Variants in SLC4A10 observed in about 807,000 individuals in gnomAD.
The protein encoded by SLC4A10 is sodium-driven chloride bicarbonate exchanger.
SLC4A10 carries 42 observed loss-of-function variants against 137.7 expected under a neutral mutation model. The observed-to-expected ratio is 0.30, with a 90% confidence interval of 0.24 to 0.39. The LOEUF is 0.39. Among genes scored for constraint, SLC4A10 ranks in the 10% least tolerant of loss-of-function variants. The pLI is 1.00. For missense variants in SLC4A10, 925 were observed against 1,355.0 expected (o/e 0.68, Z 4.98); for synonymous variants, 474 against 464.1 (o/e 1.02, Z -0.27).
At chr2:161,936,449 A>T (rs530429835) in intron 15 of SLC4A10, among the ~76,000 whole-genome samples, 145 of 152,184 alleles carry the variant, frequency 9.5e-4, no homozygotes, top group African/African-American at 3.2e-3. Context: ...TTGGTAATTG[A>T]TTCAATCTCC....
At chr2:161,769,600 A>ATTC (rs2051318772) in intron 1 of SLC4A10, among the ~76,000 whole-genome samples, 2 of 152,036 alleles carry the variant, frequency 1.3e-5, no homozygotes, top group Admixed American at 1.3e-4. Context: ...AAGGTTACCA[A>ATTC]TGATCATGTA....
intron 2 of SLC4A10, among the ~76,000 whole-genome samples, chr2:161,788,241 T>C (rs2053839668): frequency 6.6e-6 from 1 of 152,056 alleles, no homozygotes; most frequent in African/African-American, 2.4e-5. Context: ...TAGACATGTA[T>C]TGGGCATATG....
chr2:161,624,809 C>A (rs1404478723), intron 1 of SLC4A10, among the ~76,000 whole-genome samples: 1 of 151,826 alleles, frequency 6.6e-6, no homozygotes, highest in Non-Finnish European at 1.5e-5. Flanking sequence ...ATGTTTGCTG[C>A]TGTTTGAAGA....
chr2:161,826,459 A>C (rs2058025964), intron 3 of SLC4A10, among the ~76,000 whole-genome samples: 1 of 152,188 alleles, frequency 6.6e-6, no homozygotes, highest in Non-Finnish European at 1.5e-5. Context: ...TGCTGGCATG[A>C]TAAATATATA....
chr2:161,770,305 TG>T (rs1196922358), intron 1 of SLC4A10, among the ~76,000 whole-genome samples: 1 of 151,974 alleles, frequency 6.6e-6, no homozygotes, highest in African/African-American at 2.4e-5. Flanking sequence ...ACCAAATTAG[TG>T]GCTGTATTAT....
intron 17 of SLC4A10, among the ~76,000 whole-genome samples, chr2:161,948,421 T>G (rs977011549): frequency 4.6e-5 from 7 of 152,162 alleles, no homozygotes; most frequent in African/African-American, 1.4e-4. Context: ...GGTGGAAGAT[T>G]CATTTATTTC....
chr2:161,850,027 T>C (rs2059738368), intron 4 of SLC4A10, among the ~76,000 whole-genome samples: 1 of 152,116 alleles, frequency 6.6e-6, no homozygotes, highest in Admixed American at 6.6e-5. Context: ...GGCTTTTTTC[T>C]GGTTGATAGG....
chr2:161,839,811 G>A lies in SLC4A10; in HGVS notation c.300G>A (p.Gln100=), dbSNP rs1162775672. Reference sequence around the variant, plus strand: ...TAGACACCCCATCACAGAGGGTACAGTTTATTCTTGGAACCGAGGATGATG... The same window carrying A: ...TAGACACCCCATCACAGAGGGTACAATTTATTCTTGGAACCGAGGATGATG... The part of the protein sequence containing the change: ...PSFDTPSQRV[Q]FILGTEDDDE... The change falls in exon 4 of 27, where the codon CAG becomes CAA. Residue 100 remains glutamine, a synonymous_variant. Transcript: ENST00000446997. 1.9e-6 allele frequency: 3 copies of A among 1,613,804 alleles called. No individual in the cohort carries two copies. The highest frequency in any genetic ancestry group is 2.5e-6 in the Non-Finnish European group (3 of 1,179,806).
intron 15 of SLC4A10, among the ~76,000 whole-genome samples, chr2:161,918,382 C>T (rs1235207387): frequency 8.5e-5 from 13 of 152,124 alleles, no homozygotes. Context: ...TCTCAAACCC[C>T]TGACCTCAAG....
Position 161,942,811 on chromosome 2 carries a change from C to A in SLC4A10, c.2017C>A (p.His673Asn). ...TTTCAGGTGTAACTGTGTGGAACCG[C>A]ATAATCCCAGCAATGGCACATTGAA... is the stretch of plus-strand genomic sequence containing the variant. Reference protein sequence around the residue: ...TQYSCNCVEPHNPSNGTLKEW... With the variant: ...TQYSCNCVEPNNPSNGTLKEW... The change falls in exon 16 of 27, where the codon CAT (histidine) becomes AAT (asparagine). Residue 673 changes from histidine to asparagine, a missense_variant. Around this residue, in one of 11 missense-constraint regions of SLC4A10, gnomAD observed 91 missense variants for 95.6 expected, o/e 0.95. Transcript: ENST00000446997. The A allele has an allele frequency of 2.5e-6, 4 of 1,604,166 alleles. No individual in the cohort carries two copies. The South Asian group carries it at 4.5e-5, about 18-fold the overall frequency.
At chr2:161,798,611 T>A (rs1414098348) in intron 2 of SLC4A10, among the ~76,000 whole-genome samples, 1 of 151,716 alleles carries the variant, frequency 6.6e-6, no homozygotes, top group African/African-American at 2.4e-5. Flanking sequence ...CATCTAGGAT[T>A]TGTTAGCAAG....
chr2:161,960,827 C>T (rs965497465), intron 21 of SLC4A10, among the ~76,000 whole-genome samples: 9 of 152,094 alleles, frequency 5.9e-5, no homozygotes, highest in East Asian at 1.9e-4. Context: ...AGTTTTCTCC[C>T]CTAAGACCTT....
At chr2:161,707,379 T>C (rs927578165) in intron 1 of SLC4A10, among the ~76,000 whole-genome samples, 3 of 151,542 alleles carry the variant, frequency 2.0e-5, no homozygotes, top group South Asian at 4.1e-4. Context: ...TTCAGGCTAT[T>C]CATAATGTGA....
At chr2:161,980,832 C>T (rs1324120689) in intron 26 of SLC4A10, among the ~76,000 whole-genome samples, 1 of 152,172 alleles carries the variant, frequency 6.6e-6, no homozygotes, top group African/African-American at 2.4e-5. Flanking sequence ...TTATGGAGTT[C>T]CTGGCATATA....
intron 1 of SLC4A10, among the ~76,000 whole-genome samples, chr2:161,712,727 G>T (rs1050193348): frequency 6.6e-6 from 1 of 151,772 alleles, no homozygotes; most frequent in Non-Finnish European, 1.5e-5. Context: ...TGAGTAATAT[G>T]ATATTTGGAT....
At chr2:161,895,047 A>T (rs1334095333) in intron 11 of SLC4A10, among the ~76,000 whole-genome samples, 1 of 147,958 alleles carries the variant, frequency 6.8e-6, no homozygotes, top group African/African-American at 2.5e-5. Context: ...ATATCTCCTA[A>T]TGCTATCCCT....
rs573946499 is a variant in SLC4A10, at chr2:161,749,270, C to T, written c.49-21703C>T. The stretch of plus-strand genomic sequence containing the variant: ...CTTCCAATGTGGATGCCTTCTATTT[C>T]TTGTCTAATTGCTCTTGCTACTATT... On this transcript the variant is annotated intron_variant, in intron 1 of 26. Transcript: ENST00000446997. Among the ~76,000 whole-genome samples, 3 of 151,902 alleles carry T rather than the reference C, an allele frequency of 2.0e-5. No individual in the cohort carries two copies. In the South Asian group the frequency reaches 6.2e-4, roughly 31 times the overall value.
rs181357540 is a variant in SLC4A10 at position 161,749,025 on chromosome 2, T to C, written c.49-21948T>C. ...ATTAAATTTATTCCTAAGTATTTTATTTATTTTGATGCTATTGTAAATGAG... is the reference window on the plus strand; with the variant it reads ...ATTAAATTTATTCCTAAGTATTTTACTTATTTTGATGCTATTGTAAATGAG... On this transcript the variant is annotated intron_variant, in intron 1 of 26. Coordinates refer to ENST00000446997, the MANE Select transcript of SLC4A10 (RefSeq NM_001178015.2). Among the ~76,000 whole-genome samples, 3 of 152,174 alleles carry C rather than the reference T, an allele frequency of 2.0e-5. 1 individual carries two copies. Among genetic ancestry groups the C allele is most frequent in the Admixed American group, 2.0e-4 (3 of 15,280 alleles).
chr2:161,707,386 G>A (rs893782158), intron 1 of SLC4A10, among the ~76,000 whole-genome samples: 1 of 151,310 alleles, frequency 6.6e-6, no homozygotes, highest in Non-Finnish European at 1.5e-5. Context: ...TATTCATAAT[G>A]TGAGGGCTGT....
Sources: allele counts gnomAD v4.1 joint callset (sites outside exome capture counted in the v4.1 genomes callset), GRCh38; gene constraint gnomAD v4.1.1; regional missense constraint gnomAD v4.1.1; transcripts MANE v1.5; gene names NCBI Gene and HGNC (gene_info 2026-07-23, HGNC 2026-07-21).